The following QTGAL variants were observed in gnomAD, a reference collection of about 807,000 sequenced individuals.
The protein encoded by QTGAL is BGnT-like protein 1.
At chr17:82,984,043 C>T in the QTGAL span, among the ~76,000 whole-genome samples, 37 of 127,366 alleles carry the variant, frequency 2.9e-4, no homozygotes, top group South Asian at 7.7e-4. Context: ...CACGTGAGCA[C>T]ACAGGAGAGA....
At chr17:82,966,586 G>A in the QTGAL span, among the ~76,000 whole-genome samples, 1 of 152,186 alleles carries the variant, frequency 6.6e-6, no homozygotes, top group East Asian at 1.9e-4. Context: ...GAAGACATCA[G>A]GGGCGTCAGT....
the QTGAL span, chr17:83,035,174 A>G: frequency 1.3e-5 from 16 of 1,251,264 alleles, no homozygotes; most frequent in South Asian, 2.1e-4. Flanking sequence ...AGCTTAGTAT[A>G]TGATATTCTT....
At chr17:82,998,004 G>GAT in the QTGAL span, among the ~76,000 whole-genome samples, 1 of 146,850 alleles carries the variant, frequency 6.8e-6, no homozygotes, top group African/African-American at 2.5e-5. Flanking sequence ...TATATATCTA[G>GAT]ATATATATAG....
the QTGAL span, among the ~76,000 whole-genome samples, chr17:83,046,684 C>T: frequency 1.3e-5 from 2 of 152,206 alleles, no homozygotes; most frequent in East Asian, 1.9e-4. Flanking sequence ...GTATGTTAAA[C>T]ACAGAATTAC....
the QTGAL span, chr17:83,006,621 G>A: frequency 1.5e-5 from 15 of 983,254 alleles, no homozygotes; most frequent in African/African-American, 3.5e-5. The surrounding 1 kb of genome is among the most constrained non-coding windows in gnomAD (Gnocchi z 5.8). Context: ...GTGCTATCCC[G>A]ACGCCGTGGC....
At chr17:82,950,392 G>A in the QTGAL span, among the ~76,000 whole-genome samples, 8 of 152,210 alleles carry the variant, frequency 5.3e-5, no homozygotes, top group African/African-American at 1.9e-4. Flanking sequence ...CGTGGAGTGG[G>A]CATGCTGCTG....
At chr17:82,984,363 A>G in the QTGAL span, among the ~76,000 whole-genome samples, 3,056 of 81,938 alleles carry the variant, frequency 0.037, 370 homozygotes, top group East Asian at 0.079. Flanking sequence ...AGAAGGACGC[A>G]GGGAGAGGCC....
At chr17:83,026,405 T>C in the QTGAL span, among the ~76,000 whole-genome samples, 1 of 152,262 alleles carries the variant, frequency 6.6e-6, no homozygotes, top group Non-Finnish European at 1.5e-5. Flanking sequence ...AAGACGGATG[T>C]ACACGGCAGG....
At chr17:82,964,963 C>T in the QTGAL span, among the ~76,000 whole-genome samples, 754 of 135,760 alleles carry the variant, frequency 5.6e-3, 16 homozygotes, top group African/African-American at 0.02. Context: ...CACAGGAGAA[C>T]GGGGACATGG....
the QTGAL span, chr17:83,048,828 A>G: frequency 6.4e-7 from 1 of 1,552,956 alleles, no homozygotes; most frequent in East Asian, 2.2e-5. Context: ...GTGAAAACTT[A>G]GTTCCCTTTC....
At chr17:83,020,708 G>C in the QTGAL span, among the ~76,000 whole-genome samples, 1 of 152,224 alleles carries the variant, frequency 6.6e-6, no homozygotes, top group East Asian at 1.9e-4. Context: ...GCGTCTCAAA[G>C]AGTTACTGAT....
chr17:83,043,186 A>G, the QTGAL span, among the ~76,000 whole-genome samples: 3 of 152,218 alleles, frequency 2.0e-5, no homozygotes, highest in Admixed American at 6.5e-5. Flanking sequence ...TAGCAGAAAT[A>G]TACAGAATAC....
the QTGAL span, among the ~76,000 whole-genome samples, chr17:83,041,463 C>T: frequency 1.3e-5 from 2 of 152,106 alleles, no homozygotes; most frequent in African/African-American, 4.8e-5. Context: ...AATGCTGAAA[C>T]CAAAGATAAG....
chr17:82,990,850 G>GCT, the QTGAL span, among the ~76,000 whole-genome samples: 2,614 of 152,184 alleles, frequency 0.017, 29 homozygotes, highest in Middle Eastern at 0.037. Context: ...CACAGAGCCT[G>GCT]CTCTCTCTCC....
At chr17:82,942,231 C>A in the QTGAL span, 1 of 604,342 alleles carries the variant, frequency 1.7e-6, no homozygotes. Flanking sequence ...AACCTCCCTT[C>A]CCGCTCCCCA....
the QTGAL span, among the ~76,000 whole-genome samples, chr17:82,970,448 A>T: frequency 1.3e-5 from 2 of 152,162 alleles, no homozygotes; most frequent in Non-Finnish European, 1.5e-5. Context: ...TTGACTCTGC[A>T]GCCAGACACC....
At chr17:82,973,208 A>G in the QTGAL span, among the ~76,000 whole-genome samples, 1 of 152,238 alleles carries the variant, frequency 6.6e-6, no homozygotes, top group Non-Finnish European at 1.5e-5. Flanking sequence ...GCAAACCCAC[A>G]ATGAAAGCTG....
the QTGAL span, among the ~76,000 whole-genome samples, chr17:83,019,254 G>A: frequency 3.3e-5 from 5 of 152,240 alleles, no homozygotes; most frequent in African/African-American, 7.2e-5. Flanking sequence ...ACCCTGGGGC[G>A]TCAAATTACT....
At chr17:82,981,868 G>T in the QTGAL span, 1 of 152,248 alleles carries the variant, frequency 6.6e-6, no homozygotes, top group Non-Finnish European at 1.5e-5. Flanking sequence ...ATTATATACC[G>T]TATTCTTACA....
Sources: allele counts gnomAD v4.1 joint callset (sites outside exome capture counted in the v4.1 genomes callset), GRCh38; gene constraint gnomAD v4.1.1; non-coding constraint Gnocchi (gnomAD v3.1); transcripts MANE v1.5; gene names NCBI Gene and HGNC (gene_info 2026-07-23, HGNC 2026-07-21).